The following TNFSF4 variants were observed in gnomAD, a reference collection of about 807,000 sequenced individuals.
The protein encoded by TNFSF4 is tumor necrosis factor ligand superfamily member 4.
TNFSF4 carries 4 observed loss-of-function variants against 7.3 expected under a neutral mutation model. That is an observed-to-expected ratio of 0.55 (90% CI 0.27 to 1.25). The LOEUF is 1.25. Among genes scored for constraint, TNFSF4 ranks in the 50% most tolerant of loss-of-function variants. TNFSF4 has a pLI of 0.12. For missense variants in TNFSF4, 181 were observed against 208.8 expected, an observed-to-expected ratio of 0.87 and a Z score of 0.82; for synonymous variants, 76 against 83.7, an observed-to-expected ratio of 0.91 and a Z score of 0.50.
At chr1:173,332,158 G>C in the TNFSF4 span, among the ~76,000 whole-genome samples, 9 of 152,154 alleles carry the variant, frequency 5.9e-5, no homozygotes, top group Non-Finnish European at 1.5e-5. Flanking sequence ...TCCTAGGTAT[G>C]CCTGAATGAC....
the TNFSF4 span, among the ~76,000 whole-genome samples, chr1:173,423,062 A>T: frequency 6.6e-6 from 1 of 151,854 alleles, no homozygotes; most frequent in Admixed American, 6.6e-5. Flanking sequence ...TCCGCCTCCC[A>T]GGTTCAAGCG....
chr1:173,265,668 T>G, the TNFSF4 span, among the ~76,000 whole-genome samples: 2 of 152,184 alleles, frequency 1.3e-5, no homozygotes, highest in Non-Finnish European at 2.9e-5. Context: ...ACTCTGTCTA[T>G]GCAAATCCTT....
At chr1:173,444,945 C>T in the TNFSF4 span, among the ~76,000 whole-genome samples, 1,978 of 152,260 alleles carry the variant, frequency 0.013, 13 homozygotes, top group Non-Finnish European at 0.02. Context: ...AGGCTTTACC[C>T]GCTCAGCCAG....
chr1:173,220,053 A>C, the TNFSF4 span, among the ~76,000 whole-genome samples: 1 of 152,058 alleles, frequency 6.6e-6, no homozygotes, highest in African/African-American at 2.4e-5. Flanking sequence ...TAAAATAAAA[A>C]AAAATTGTAA....
chr1:173,195,659 C>T (rs149684678), intron 1 of TNFSF4, among the ~76,000 whole-genome samples: 258 of 152,268 alleles, frequency 1.7e-3, no homozygotes, highest in African/African-American at 5.6e-3. Context: ...ATGGGGCTGT[C>T]GACCTTAAAC....
chr1:173,194,686 C>T (rs1411942825), intron 1 of TNFSF4, among the ~76,000 whole-genome samples: 1 of 151,764 alleles, frequency 6.6e-6, no homozygotes, highest in African/African-American at 2.4e-5. Context: ...AGTCCAGGAC[C>T]AGCCTGGACA....
At chr1:173,406,884 T>C in the TNFSF4 span, among the ~76,000 whole-genome samples, 1 of 152,112 alleles carries the variant, frequency 6.6e-6, no homozygotes, top group Non-Finnish European at 1.5e-5. Context: ...GGAGAGCCTG[T>C]GGCCGTGGGG....
chr1:173,241,423 C>T, the TNFSF4 span, among the ~76,000 whole-genome samples: 4 of 152,158 alleles, frequency 2.6e-5, no homozygotes, highest in African/African-American at 4.8e-5. Context: ...CAAGGGACTA[C>T]GAGCATCCAT....
chr1:173,339,406 C>G, the TNFSF4 span, among the ~76,000 whole-genome samples: 7 of 151,772 alleles, frequency 4.6e-5, no homozygotes, highest in Admixed American at 4.6e-4. Context: ...AAATAAACAG[C>G]TAAAGGCAAA....
the TNFSF4 span, among the ~76,000 whole-genome samples, chr1:173,292,720 T>G: frequency 2.6e-5 from 4 of 151,764 alleles, no homozygotes; most frequent in African/African-American, 7.3e-5. Context: ...TCTTCACAGA[T>G]AATAGAATTC....
the TNFSF4 span, among the ~76,000 whole-genome samples, chr1:173,257,441 G>A: frequency 1.3e-5 from 2 of 152,204 alleles, no homozygotes; most frequent in Non-Finnish European, 2.9e-5. Context: ...TTACAAGGCT[G>A]CCCTCACTTC....
chr1:173,276,732 T>C, the TNFSF4 span, among the ~76,000 whole-genome samples: 6 of 152,164 alleles, frequency 3.9e-5, no homozygotes, highest in African/African-American at 1.4e-4. Context: ...GCCTGAATTT[T>C]AGAAAGGGAG....
chr1:173,360,033 T>C, the TNFSF4 span, among the ~76,000 whole-genome samples: 1 of 152,250 alleles, frequency 6.6e-6, no homozygotes, highest in Admixed American at 6.5e-5. Context: ...TATCATATTG[T>C]CCACCCTGGC....
chr1:173,408,429 A>T, the TNFSF4 span, among the ~76,000 whole-genome samples: 1 of 152,226 alleles, frequency 6.6e-6, no homozygotes, highest in Non-Finnish European at 1.5e-5. Flanking sequence ...TTAATAAGGA[A>T]GAAAGTAAGT....
the TNFSF4 span, among the ~76,000 whole-genome samples, chr1:173,318,275 C>T: frequency 6.6e-6 from 1 of 151,734 alleles, no homozygotes; most frequent in African/African-American, 2.4e-5. Context: ...ACCATCTCTA[C>T]TAAAAATACA....
At chr1:173,355,995 G>A in the TNFSF4 span, among the ~76,000 whole-genome samples, 1 of 152,170 alleles carries the variant, frequency 6.6e-6, no homozygotes, top group African/African-American at 2.4e-5. Context: ...CCACTATGCT[G>A]GCCAAGGAAA....
chr1:173,330,021 G>C, the TNFSF4 span, among the ~76,000 whole-genome samples: 1 of 152,060 alleles, frequency 6.6e-6, no homozygotes, highest in Non-Finnish European at 1.5e-5. Context: ...ATCAGCTCCT[G>C]TCCATAGGAT....
the TNFSF4 span, among the ~76,000 whole-genome samples, chr1:173,222,276 CCTGA>C: frequency 6.6e-6 from 1 of 152,066 alleles, no homozygotes; most frequent in East Asian, 1.9e-4. Context: ...TAAAATAAAG[CCTGA>C]CTAAGTAAAG....
At chr1:173,319,053 G>A in the TNFSF4 span, among the ~76,000 whole-genome samples, 2 of 152,202 alleles carry the variant, frequency 1.3e-5, no homozygotes. Context: ...TCTCTCAGCA[G>A]GTCACAATCC....
Sources: gnomAD v4.1 joint callset for allele counts (sites outside exome capture counted in the v4.1 genomes callset) on GRCh38, gnomAD v4.1.1 for gene constraint, MANE v1.5 for transcripts, NCBI Gene and HGNC (gene_info 2026-07-23, HGNC 2026-07-21) for gene names.